The following GALNTL6 variants were observed in gnomAD, a reference collection of about 807,000 sequenced individuals.
GALNTL6 encodes the protein polypeptide N-acetylgalactosaminyltransferase-like 6.
GALNTL6 carries 46 observed loss-of-function variants against 73.7 expected under a neutral mutation model. The ratio of observed to expected loss-of-function variants is 0.62; its 90% CI spans 0.49 to 0.80. The LOEUF (loss-of-function observed/expected upper bound fraction) is 0.80, where lower values mean the gene tolerates loss of function less well. Among genes scored for constraint, GALNTL6 ranks in the 30% least tolerant of loss-of-function variants. The pLI is 0.00. For synonymous variants in GALNTL6, 259 were observed against 263.7 expected, an observed-to-expected ratio of 0.98 and a Z score of 0.17; for missense variants, 604 against 755.0, an observed-to-expected ratio of 0.80 and a Z score of 2.34.
At chr4:172,414,478 A>G (rs1359465913) in intron 5 of GALNTL6, among the ~76,000 whole-genome samples, 1 of 152,060 alleles carries the variant, frequency 6.6e-6, no homozygotes, top group Non-Finnish European at 1.5e-5. Flanking sequence ...TTCGCTGTAG[A>G]TTTTCTTTCA....
At chr4:172,693,753 C>G (rs1733472884) in intron 5 of GALNTL6, among the ~76,000 whole-genome samples, 1 of 152,136 alleles carries the variant, frequency 6.6e-6, no homozygotes, top group Non-Finnish European at 1.5e-5. Context: ...ATCCTGGTAC[C>G]AACACTGGAG....
At position 171,921,055 on chromosome 4, in the gene GALNTL6, T is replaced by C. The variant is rs183651128; in HGVS notation, c.138+106337T>C. ...TGGCATGTATCTTTCTAATGTTATC[T>C]AGTAATTAGAAATAATAGGATACCA... is the stretch of plus-strand genomic sequence containing the variant. On this transcript the variant is annotated intron_variant, in intron 2 of 12. Transcript: ENST00000506823. 5.0e-4 allele frequency among the ~76,000 whole-genome samples: 76 copies of C among 152,216 alleles called. 1 individual carries two copies. The highest frequency in any genetic ancestry group is 5.3e-4 in the Non-Finnish European group (36 of 67,956).
intron 2 of GALNTL6, among the ~76,000 whole-genome samples, chr4:171,860,169 G>T (rs528124806): frequency 6.6e-6 from 1 of 152,150 alleles, no homozygotes; most frequent in East Asian, 1.9e-4. Context: ...GTCAAGCCCT[G>T]TTCAAACATT....
chr4:172,719,145 G>A (rs1408949904), intron 5 of GALNTL6, among the ~76,000 whole-genome samples: 1 of 152,168 alleles, frequency 6.6e-6, no homozygotes, highest in Admixed American at 6.6e-5. Flanking sequence ...GCACAGCTTA[G>A]AAAAGAAACT....
At chr4:171,853,360 C>T (rs1365689842) in intron 2 of GALNTL6, among the ~76,000 whole-genome samples, 3 of 151,946 alleles carry the variant, frequency 2.0e-5, no homozygotes, top group Non-Finnish European at 4.4e-5. Context: ...TCCTCCCCTT[C>T]TTTCCCCTTC....
chr4:171,860,044 A>G (rs956447577), intron 2 of GALNTL6, among the ~76,000 whole-genome samples: 1 of 152,318 alleles, frequency 6.6e-6, no homozygotes, highest in East Asian at 1.9e-4. Context: ...AATGTTCAGG[A>G]TTTGAGTAAT....
chr4:172,944,967 A>G (rs1267885504), intron 9 of GALNTL6, among the ~76,000 whole-genome samples: 1 of 151,868 alleles, frequency 6.6e-6, no homozygotes, highest in African/African-American at 2.4e-5. Flanking sequence ...CTGAGGCAGG[A>G]GAATCACTTG....
At chr4:172,717,358 G>A (rs563407441) in intron 5 of GALNTL6, among the ~76,000 whole-genome samples, 1 of 152,288 alleles carries the variant, frequency 6.6e-6, no homozygotes, top group Admixed American at 6.5e-5. Context: ...ACTCAAATTT[G>A]ATCTTTATTA....
chr4:172,878,878 A>C (rs189649920), intron 7 of GALNTL6, among the ~76,000 whole-genome samples: 63 of 152,004 alleles, frequency 4.1e-4, no homozygotes, highest in African/African-American at 1.4e-3. Context: ...AAGCATAAAG[A>C]CACAAATAGT....
chr4:172,297,514 T>C (rs1342669214), intron 3 of GALNTL6, among the ~76,000 whole-genome samples: 1 of 152,220 alleles, frequency 6.6e-6, no homozygotes, highest in Admixed American at 6.5e-5. Context: ...CTTTAATCCA[T>C]CTTGAATTAA....
At chr4:171,887,898 T>C (rs1736648076) in intron 2 of GALNTL6, among the ~76,000 whole-genome samples, 1 of 152,180 alleles carries the variant, frequency 6.6e-6, no homozygotes, top group South Asian at 2.1e-4. Flanking sequence ...TATGACTACA[T>C]TTTACTCAAA....
chr4:172,414,225 G>A (rs1042515850), intron 5 of GALNTL6, among the ~76,000 whole-genome samples: 1 of 152,058 alleles, frequency 6.6e-6, no homozygotes, highest in Admixed American at 6.6e-5. Flanking sequence ...ACCTTAGAAA[G>A]TCATTTAAAA....
chr4:172,933,211 A>G (rs1405451240), intron 9 of GALNTL6, among the ~76,000 whole-genome samples: 1 of 152,058 alleles, frequency 6.6e-6, no homozygotes, highest in African/African-American at 2.4e-5. Flanking sequence ...ATGTTCTCTC[A>G]TGTATCCACT....
At chr4:173,027,869 G>T (rs751647919) in intron 12 of GALNTL6, among the ~76,000 whole-genome samples, 4 of 152,124 alleles carry the variant, frequency 2.6e-5, no homozygotes, top group Non-Finnish European at 5.9e-5. Flanking sequence ...AGATGAAAAT[G>T]AATTGTTTAT....
At chr4:172,208,784 G>T (rs949142745) in intron 2 of GALNTL6, among the ~76,000 whole-genome samples, 16 of 152,098 alleles carry the variant, frequency 1.1e-4, no homozygotes, top group Non-Finnish European at 2.1e-4. Flanking sequence ...TACAAGTGAG[G>T]ATGGTTGTTA....
Position 172,546,638 on chromosome 4 carries a change from C to T in GALNTL6, c.553+197949C>T, listed in dbSNP as rs543324166. Among the ~76,000 whole-genome samples, 4 of 151,040 alleles carry T rather than the reference C, an allele frequency of 2.6e-5. No homozygotes were observed. The South Asian group carries it at 8.4e-4, about 32-fold the overall frequency. Reference sequence around the variant, plus strand: ...GTAGATGCCATCCGTATCTCTCTTTCTTTTCCATTTCCTTTACACATGCCA... The same window carrying T: ...GTAGATGCCATCCGTATCTCTCTTTTTTTTCCATTTCCTTTACACATGCCA... On this transcript the variant is annotated intron_variant, in intron 5 of 12. Transcript: ENST00000506823.
intron 3 of GALNTL6, among the ~76,000 whole-genome samples, chr4:172,281,470 G>A (rs185555558): frequency 6.6e-6 from 1 of 152,190 alleles, no homozygotes; most frequent in East Asian, 1.9e-4. Context: ...CAAGGCAGTC[G>A]GATCACTTGA....
In GALNTL6 at chr4:172,099,609, TC is replaced by T. The variant is rs367610134; in HGVS notation, c.139-130045del. On this transcript the variant is annotated intron_variant, in intron 2 of 12. Transcript: ENST00000506823. ...GGGCAACAGCACTAAGATAAAAGGA[TC>T]CTTTGTGTTCCCAACTGTCTTTAAA... 2.0e-3 allele frequency among the ~76,000 whole-genome samples: 310 copies of T among 152,250 alleles called. 2 individuals carry two copies. Among genetic ancestry groups the T allele is most frequent in the Middle Eastern group, 3.4e-3 (1 of 294 alleles).
intron 2 of GALNTL6, among the ~76,000 whole-genome samples, chr4:172,182,936 G>A (rs1270653280): frequency 6.6e-6 from 1 of 151,956 alleles, no homozygotes; most frequent in Admixed American, 6.6e-5. Context: ...TTCAAAGAAC[G>A]CATTCGCTCA....
Sources: allele counts gnomAD v4.1 joint callset (sites outside exome capture counted in the v4.1 genomes callset), GRCh38; gene constraint gnomAD v4.1.1; transcripts MANE v1.5; gene names NCBI Gene and HGNC (gene_info 2026-07-23, HGNC 2026-07-21).